INVS: variants seen among roughly 807,000 people sequenced by gnomAD.
INVS encodes the protein inversion of embryo turning homolog.
In INVS, 86 loss-of-function variants were observed where a neutral mutation model predicts 108.8. The ratio of observed to expected loss-of-function variants is 0.79; its 90% CI spans 0.66 to 0.95. The LOEUF is 0.95. Ranked by LOEUF, INVS falls within the 40% of genes least tolerant of loss-of-function variation. The pLI is 0.00. For missense variants in INVS, 1,169 were observed against 1,297.4 expected, an observed-to-expected ratio of 0.90 and a Z score of 1.52; for synonymous variants, 455 against 473.5, an observed-to-expected ratio of 0.96 and a Z score of 0.51.
chr9:100,197,711 G>T (rs925873393), intron 3 of INVS, among the ~76,000 whole-genome samples: 2 of 152,316 alleles, frequency 1.3e-5, no homozygotes, highest in Non-Finnish European at 2.9e-5. Flanking sequence ...ACCCATTAAG[G>T]CCTGTCTGTT....
chr9:100,247,411 C>T (rs1034925924), intron 8 of INVS, among the ~76,000 whole-genome samples: 2 of 152,120 alleles, frequency 1.3e-5, no homozygotes, highest in African/African-American at 2.4e-5. Context: ...AGTTTTTCTG[C>T]CTCAGTGTCA....
At chr9:100,294,340 A>G (rs1003909851) in intron 14 of INVS, among the ~76,000 whole-genome samples, 2 of 152,194 alleles carry the variant, frequency 1.3e-5, no homozygotes, top group Non-Finnish European at 2.9e-5. Flanking sequence ...AGAAAACTAG[A>G]TAGATTCCCA....
In INVS at chr9:100,253,878, G is replaced by A. The variant is rs10989031; in HGVS notation, c.1464+742G>A. On this transcript the variant is annotated intron_variant, in intron 10 of 16. Coordinates refer to ENST00000262457, the MANE Select transcript of INVS (RefSeq NM_014425.5). ...GTGAATAGTGCCGCAATAAACATAC[G>A]TGTGCATGTGTCTTTATAGCAGCAT... is the stretch of plus-strand genomic sequence containing the variant. Among the ~76,000 whole-genome samples the A allele has an allele frequency of 5.6e-3, 846 of 152,258 alleles. 4 individuals carry two copies. The highest frequency in any genetic ancestry group is 9.9e-3 in the Non-Finnish European group (673 of 68,022).
At chr9:100,171,686 A>G (rs1829546827) in intron 3 of INVS, among the ~76,000 whole-genome samples, 1 of 152,138 alleles carries the variant, frequency 6.6e-6, no homozygotes, top group South Asian at 2.1e-4. Context: ...GGGATTTGCA[A>G]CTAACTCACC....
rs781772424 is a variant in INVS, at chr9:100,292,771, C to T, written c.2514C>T (p.Ala838=). 1 of 1,614,176 alleles carries T rather than the reference C, an allele frequency of 6.2e-7. No homozygotes were observed. The highest frequency in any genetic ancestry group is 8.5e-7 in the Non-Finnish European group (1 of 1,180,030). Residue 838 remains alanine (A), a synonymous_variant, in exon 14 of 17, where the codon GCC becomes GCT. Coordinates refer to ENST00000262457, the MANE Select transcript of INVS (RefSeq NM_014425.5). Reference sequence around the variant, plus strand: ...CACCAAGAAACAAAGTGACACAAGCCAAGCTCACAGGAGGGCTCTATTCAC... The same window carrying T: ...CACCAAGAAACAAAGTGACACAAGCTAAGCTCACAGGAGGGCTCTATTCAC... The part of the protein sequence containing the change: ...HRTPRNKVTQ[A]KLTGGLYSHL...
chr9:100,103,876 A>G (rs1197850249), intron 1 of INVS, among the ~76,000 whole-genome samples: 4 of 152,106 alleles, frequency 2.6e-5, no homozygotes, highest in Non-Finnish European at 4.4e-5. Context: ...AAGTTTATTT[A>G]GTGCTTAAAT....
At chr9:100,147,740 T>A (rs1377937628) in intron 3 of INVS, among the ~76,000 whole-genome samples, 1 of 152,142 alleles carries the variant, frequency 6.6e-6, no homozygotes, top group African/African-American at 2.4e-5. Context: ...ATGGTACATT[T>A]ATACAATGGA....
intron 3 of INVS, among the ~76,000 whole-genome samples, chr9:100,148,257 A>G (rs886283988): frequency 6.6e-6 from 1 of 152,206 alleles, no homozygotes; most frequent in African/African-American, 2.4e-5. Context: ...AAAATAATTT[A>G]TCCAGAGTGA....
At chr9:100,181,196 G>A (rs962392492) in intron 3 of INVS, among the ~76,000 whole-genome samples, 5 of 152,132 alleles carry the variant, frequency 3.3e-5, no homozygotes, top group African/African-American at 1.2e-4. Flanking sequence ...AAAACTGGAA[G>A]CATTCCCTTT....
chr9:100,240,787 C>CT (rs200406935), intron 6 of INVS, among the ~76,000 whole-genome samples: 1 of 150,776 alleles, frequency 6.6e-6, no homozygotes, highest in South Asian at 2.1e-4. Context: ...ATAATCAGGT[C>CT]TTTTTTTTTC....
chr9:100,223,491 A>C (rs1486549558), intron 3 of INVS, among the ~76,000 whole-genome samples: 1 of 143,328 alleles, frequency 7.0e-6, no homozygotes, highest in African/African-American at 2.5e-5. Flanking sequence ...TTTATTAGGC[A>C]CCTATTCTGT....
Position 100,301,979 on chromosome 9 carries a change from T to G in INVS, c.*1305T>G. On this transcript the variant is annotated 3_prime_UTR_variant, in exon 17 of 17. Coordinates refer to ENST00000262457, the MANE Select transcript of INVS (RefSeq NM_014425.5). ...ATGAAATGCACAATGCACAACCGCC[T>G]ATGACCATGTATCGTGTGCTAGTCC... The G allele has an allele frequency of 2.4e-6, 1 of 422,314 alleles. No homozygotes were observed. Among genetic ancestry groups the G allele is most frequent in the East Asian group, 3.5e-5 (1 of 28,840 alleles). 26.2% of individuals were successfully genotyped at this position (422,314 alleles called of 1,614,324 possible).
chr9:100,256,069 T>C (rs1832410186), intron 10 of INVS, among the ~76,000 whole-genome samples: 2 of 152,212 alleles, frequency 1.3e-5, no homozygotes, highest in Admixed American at 1.3e-4. Context: ...TGGTAGGCTA[T>C]TAATTGTTGT....
chr9:100,149,351 C>G (rs1233712056), intron 3 of INVS, among the ~76,000 whole-genome samples: 1 of 152,094 alleles, frequency 6.6e-6, no homozygotes, highest in Non-Finnish European at 1.5e-5. Flanking sequence ...ATTTGAAACT[C>G]TTATGTCCTA....
chr9:100,251,880 C>T (rs1832250170), intron 8 of INVS, among the ~76,000 whole-genome samples: 1 of 152,190 alleles, frequency 6.6e-6, no homozygotes, highest in South Asian at 2.1e-4. Context: ...CCCTTAGGGG[C>T]ATATGCTTAT....
chr9:100,158,043 G>A (rs1442634785), intron 3 of INVS, among the ~76,000 whole-genome samples: 1 of 152,000 alleles, frequency 6.6e-6, no homozygotes, highest in Admixed American at 6.6e-5. Flanking sequence ...ACTCAATAAG[G>A]GCATAGCATA....
rs1193824193 is a variant in INVS, at chr9:100,253,028, G to A, written c.1356G>A (p.Gln452=). 2.5e-6 allele frequency: 4 copies of A among 1,613,886 alleles called. No homozygotes were observed. The East Asian group carries it at 6.7e-5, about 27-fold the overall frequency. Reference sequence around the variant, plus strand: ...AAAATAAGATCAATCCAAATGTCCAGGATTATGCAGGAAGAACCCCTTTGC... The same window carrying A: ...AAAATAAGATCAATCCAAATGTCCAAGATTATGCAGGAAGAACCCCTTTGC... The part of the protein sequence containing the change: ...LIENKINPNV[Q]DYAGRTPLQC... The change falls in exon 10 of 17, where the codon CAG becomes CAA. Residue 452 remains glutamine (Q), a synonymous_variant. Coordinates refer to ENST00000262457, the MANE Select transcript of INVS (RefSeq NM_014425.5).
In INVS at chr9:100,126,530, T is replaced by A. The variant is rs1348353520; in HGVS notation, c.254T>A (p.Leu85His). Residue 85 changes from leucine (L) to histidine (H), a missense_variant, in exon 3 of 17, where the codon CTC becomes CAC. By Grantham distance (99) the Leu-to-His change is moderately conservative. This residue lies in a region of INVS where 365 missense variants were observed against 397.5 expected (regional missense o/e 0.92). Coordinates refer to ENST00000262457, the MANE Select transcript of INVS (RefSeq NM_014425.5). ...NKTDHSQRTALHLAAQKGNYR... is the reference protein window; with the variant it reads ...NKTDHSQRTAHHLAAQKGNYR... Reference sequence around the variant, plus strand: ...ACTGACCATAGCCAGAGAACAGCCCTCCATCTTGCAGCCCAGAAGGTGAGA... The same window carrying A: ...ACTGACCATAGCCAGAGAACAGCCCACCATCTTGCAGCCCAGAAGGTGAGA... 1.2e-6 allele frequency: 2 copies of A among 1,614,170 alleles called. No homozygotes were observed. Among genetic ancestry groups the A allele is most frequent in the South Asian group, 2.2e-5 (2 of 91,082 alleles).
chr9:100,161,359 C>A (rs1829171729), intron 3 of INVS, among the ~76,000 whole-genome samples: 1 of 68,404 alleles, frequency 1.5e-5, no homozygotes, highest in Admixed American at 1.7e-4. Flanking sequence ...GCAAGACTTC[C>A]ATCTCAAAAA....
Sources: allele counts gnomAD v4.1 joint callset (sites outside exome capture counted in the v4.1 genomes callset), GRCh38; gene constraint gnomAD v4.1.1; regional missense constraint gnomAD v4.1.1; transcripts MANE v1.5; gene names NCBI Gene and HGNC (gene_info 2026-07-23, HGNC 2026-07-21).